DDB1: variants seen among roughly 807,000 people sequenced by gnomAD.
The protein encoded by DDB1 is DNA damage-binding protein 1.
Under a neutral mutation model 133.1 loss-of-function variants are expected in DDB1, and 18 were observed. The observed-to-expected ratio is 0.14, with a 90% CI of 0.09 to 0.20. The LOEUF (loss-of-function observed/expected upper bound fraction) is 0.20, where lower values mean the gene tolerates loss of function less well. Among genes scored for constraint, DDB1 ranks in the 10% least tolerant of loss-of-function variants. The pLI is 1.00. For missense variants in DDB1, 828 were observed against 1,459.2 expected (o/e 0.57, Z 7.05); for synonymous variants, 580 against 550.5 (o/e 1.05, Z -0.75).
At chr11:61,305,913 T>C (rs1295281670) in intron 21 of DDB1, among the ~76,000 whole-genome samples, 1 of 152,232 alleles carries the variant, frequency 6.6e-6, no homozygotes, top group African/African-American at 2.4e-5. Context: ...ATTATTAGTA[T>C]GAAAAACTGT....
Position 61,321,610 on chromosome 11 carries a change from A to AGTCAAT in DDB1, c.1204_1209dup (p.Ile402_Asp403dup), listed in dbSNP as rs761417517. The AGTCAAT allele has an allele frequency of 6.2e-7, 1 of 1,614,122 alleles. No homozygotes were observed. The highest frequency in any genetic ancestry group is 8.5e-7 in the Non-Finnish European group (1 of 1,180,028). ...AAAAAGCTACCTTTGATGCCTGGTA[A>AGTCAAT]GTCAATGCTGGCATGCTCGTGGATT... On this transcript the variant is annotated inframe_insertion, in exon 10 of 27. Coordinates refer to ENST00000301764, the MANE Select transcript of DDB1 (RefSeq NM_001923.5).
At position 61,329,346 on chromosome 11, in the gene DDB1, T is replaced by C. The variant is rs371586678; in HGVS notation, c.549+17A>G. 3 of 1,612,860 alleles carry C rather than the reference T, an allele frequency of 1.9e-6. No homozygotes were observed. Among genetic ancestry groups the C allele is most frequent in the Non-Finnish European group, 2.5e-6 (3 of 1,179,078 alleles). On this transcript the variant is annotated intron_variant, in intron 4 of 26. Coordinates refer to ENST00000301764, the MANE Select transcript of DDB1 (RefSeq NM_001923.5). ...ATCAACCTCACAGTTTCTCGCTCTCTCTTCCTGATCCAGTACCTGGTAGAC... is the reference window on the plus strand; with the variant it reads ...ATCAACCTCACAGTTTCTCGCTCTCCCTTCCTGATCCAGTACCTGGTAGAC...
chr11:61,307,023 C>T (rs1466273023), intron 21 of DDB1, among the ~76,000 whole-genome samples: 1 of 152,180 alleles, frequency 6.6e-6, no homozygotes, highest in Non-Finnish European at 1.5e-5. Context: ...AGAACAGAGA[C>T]ACAGCCAAAA....
At chr11:61,311,943 AC>A (rs758830038) in intron 17 of DDB1, 45 bp downstream of exon 17, 1 of 1,613,740 alleles carries the variant, frequency 6.2e-7, no homozygotes, top group East Asian at 2.2e-5. Context: ...AGTCAGAAGC[AC>A]CCTACACCAA....
At chr11:61,310,027 A>G in intron 19 of DDB1, 67 bp from the exon 20 acceptor site, 4 of 1,602,020 alleles carry the variant, frequency 2.5e-6, no homozygotes, top group Non-Finnish European at 3.4e-6. Context: ...ATAACCCCGT[A>G]TTTCTGAGGC....
At position 61,316,393 on chromosome 11, in the gene DDB1, T is replaced by C; in HGVS notation, c.1302A>G (p.Arg434=). ...CCTCCTCTCCATTTAACATGAGAAC[T>C]CTGCAGCAGAATGGAGGGCCTGGGT... ...TLVLSFVGQT[R]VLMLNGEEVE... Residue 434 remains arginine (R), a splice_region_variant and synonymous_variant, in exon 12 of 27, where the codon AGA becomes AGG. Transcript: ENST00000301764. The C allele has an allele frequency of 6.2e-7, 1 of 1,613,956 alleles. No individual in the cohort carries two copies. The highest frequency in any genetic ancestry group is 8.5e-7 in the Non-Finnish European group (1 of 1,179,858).
chr11:61,306,257 C>A (rs1855881397), intron 21 of DDB1, among the ~76,000 whole-genome samples: 1 of 152,204 alleles, frequency 6.6e-6, no homozygotes, highest in Admixed American at 6.5e-5. Context: ...ATCCATGGCT[C>A]TTTCCTAAGG....
At chr11:61,312,658 G>A (rs754974893) in intron 16 of DDB1, among the ~76,000 whole-genome samples, 3 of 151,930 alleles carry the variant, frequency 2.0e-5, no homozygotes, top group Non-Finnish European at 4.4e-5. Flanking sequence ...GAGCGCAATG[G>A]TGGGATCTTG....
At chr11:61,308,536 T>C (rs934354464) in intron 21 of DDB1, among the ~76,000 whole-genome samples, 4 of 152,222 alleles carry the variant, frequency 2.6e-5, no homozygotes, top group Non-Finnish European at 5.9e-5. Context: ...AAACATCAAG[T>C]TGTCCATTTT....
chr11:61,321,313 C>A, intron 10 of DDB1: 1 of 251,384 alleles, frequency 4.0e-6, no homozygotes, highest in Non-Finnish European at 7.5e-6. Context: ...TGAATTCTAT[C>A]GGTTGCCTCA....
intron 2 of DDB1, 41 bp downstream of exon 2, chr11:61,331,502 A>G (rs754995557): frequency 3.8e-6 from 6 of 1,597,246 alleles, no homozygotes; most frequent in Non-Finnish European, 5.1e-6. Context: ...CCTACGACCA[A>G]CAGTTCCCCC....
At chr11:61,327,923 A>C (rs1856294978) in intron 4 of DDB1, among the ~76,000 whole-genome samples, 2 of 152,264 alleles carry the variant, frequency 1.3e-5, no homozygotes, top group Non-Finnish European at 2.9e-5. Flanking sequence ...TGTCAAATTG[A>C]ATTTCTGGCA....
At chr11:61,332,578 T>G (rs1590705025) in intron 1 of DDB1, 3 of 267,944 alleles carry the variant, frequency 1.1e-5, no homozygotes, top group Non-Finnish European at 1.4e-5. Context: ...CCTCCCCTTT[T>G]CCTGGCCACA....
chr11:61,316,942 G>A (rs1446190505), intron 10 of DDB1, among the ~76,000 whole-genome samples: 1 of 27,030 alleles, frequency 3.7e-5, no homozygotes, highest in Non-Finnish European at 8.1e-5. Context: ...AAAAAAAAAG[G>A]ATAGATATAT....
Position 61,313,579 on chromosome 11 carries a change from G to A in DDB1, c.1989C>T (p.Asn663=). The A allele has an allele frequency of 6.2e-7, 1 of 1,614,184 alleles. No individual in the cohort carries two copies. The highest frequency in any genetic ancestry group is 8.5e-7 in the Non-Finnish European group (1 of 1,180,036). ...TGACATTTGAGAAGACCAATTTGTG[G>A]TTGCTGCTATAGATGACAGTGGGGC... ...SDRPTVIYSS[N]HKLVFSNVNL... The change falls in exon 16 of 27, where the codon AAC becomes AAT. Residue 663 remains asparagine, a synonymous_variant. Coordinates refer to ENST00000301764, the MANE Select transcript of DDB1 (RefSeq NM_001923.5).
rs1359685429 is a variant in DDB1, at chr11:61,311,815, G to A, written c.2246C>T (p.Thr749Met). 11 of 1,613,756 alleles carry A rather than the reference G, an allele frequency of 6.8e-6. No homozygotes were observed. Among genetic ancestry groups the A allele is most frequent in the African/African-American group, 2.7e-5 (2 of 74,904 alleles). ...RIEVQDTSGG[T>M]TALRPSASTQ... ...GCTAGCGCTGGGCCTCAAGGCTGTC[G>A]TGCCCCCACTCGTGTCTTGGACTTC... The change falls in exon 18 of 27, where the codon ACG (threonine) becomes ATG (methionine). Residue 749 changes from threonine (T) to methionine (M), a missense_variant. Physicochemically the swap from Thr to Met is moderately conservative, Grantham distance 81. Coordinates refer to ENST00000301764, the MANE Select transcript of DDB1 (RefSeq NM_001923.5).
intron 10 of DDB1, 24 bp downstream of exon 10, chr11:61,321,571 T>A: frequency 6.2e-7 from 1 of 1,610,042 alleles, no homozygotes; most frequent in Non-Finnish European, 8.5e-7. Context: ...AAGATCTACA[T>A]CCTATGCCCA....
Position 61,311,806 on chromosome 11 carries a change from A to C in DDB1, c.2255T>G (p.Leu752Trp). Residue 752 changes from leucine (L) to tryptophan (W), a missense_variant, in exon 18 of 27, where the codon TTG (leucine) becomes TGG (tryptophan). Coordinates refer to ENST00000301764, the MANE Select transcript of DDB1 (RefSeq NM_001923.5). ...VQDTSGGTTALRPSASTQALS... is the reference protein window; with the variant it reads ...VQDTSGGTTAWRPSASTQALS... ...TACCTGGGTGCTAGCGCTGGGCCTC[A>C]AGGCTGTCGTGCCCCCACTCGTGTC... is the stretch of plus-strand genomic sequence containing the variant. The C allele has an allele frequency of 6.2e-7, 1 of 1,613,550 alleles. No homozygotes were observed. Among genetic ancestry groups the C allele is most frequent in the Non-Finnish European group, 8.5e-7 (1 of 1,179,830 alleles).
In DDB1 at chr11:61,307,248, A is replaced by C. The variant is rs576464747; in HGVS notation, c.2661+1735T>G. Among the ~76,000 whole-genome samples the C allele has an allele frequency of 7.9e-5, 12 of 152,346 alleles. No homozygotes were observed. The South Asian group carries it at 2.5e-3, about 32-fold the overall frequency. ...CCACATCACTCTGTCCTTTACTGCA[A>C]AACTCCTTGAGGGGTTTTCTGTACC... On this transcript the variant is annotated intron_variant, in intron 21 of 26. Coordinates refer to ENST00000301764, the MANE Select transcript of DDB1 (RefSeq NM_001923.5).
Sources: allele counts gnomAD v4.1 joint callset (sites outside exome capture counted in the v4.1 genomes callset), GRCh38; gene constraint gnomAD v4.1.1; transcripts MANE v1.5; gene names NCBI Gene and HGNC (gene_info 2026-07-23, HGNC 2026-07-21).